LRRC61: variants seen among roughly 807,000 people sequenced by gnomAD.
The protein encoded by LRRC61 is leucine-rich repeat-containing protein 61.
A neutral mutation model predicts 15.1 loss-of-function variants in LRRC61; 9 were observed. The observed-to-expected ratio is 0.60, with a 90% CI of 0.36 to 1.04. LRRC61 has a LOEUF of 1.04. LRRC61 is among the 50% of genes least tolerant of loss of function. The probability of loss-of-function intolerance (pLI) is 0.01; values close to 1 mark genes in which losing one functional copy is unlikely to be tolerated. For synonymous variants in LRRC61, 173 were observed against 158.6 expected, an observed-to-expected ratio of 1.09 and a Z score of -0.68; for missense variants, 344 against 335.6, an observed-to-expected ratio of 1.03 and a Z score of -0.20.
At chr7:150,314,254 C>G in the LRRC61 span, among the ~76,000 whole-genome samples, 1 of 152,232 alleles carries the variant, frequency 6.6e-6, no homozygotes, top group Non-Finnish European at 1.5e-5. Flanking sequence ...GAACAGTTGT[C>G]AGCCTTGTTC....
intron 2 of LRRC61, among the ~76,000 whole-genome samples, chr7:150,336,246 A>G (rs1398771559): frequency 6.6e-6 from 1 of 152,242 alleles, no homozygotes; most frequent in Non-Finnish European, 1.5e-5. Flanking sequence ...AGTAATACTG[A>G]GTGAATCAAA....
At chr7:150,320,838 G>C (rs550417224), upstream of LRRC61, among the ~76,000 whole-genome samples, 1 of 152,318 alleles carries the variant, frequency 6.6e-6, no homozygotes, top group East Asian at 1.9e-4. Context: ...GTGATCAAGA[G>C]TGCTGACTTC....
rs138347257 is a variant in LRRC61 at position 150,337,565 on chromosome 7, G to T, written c.704G>T (p.Arg235Leu). Reference sequence around the variant, plus strand: ...CTGCAGGAGTGCTGGGACCTGGACCGCCAGGCCAGCGACAGCCTGGCCCAG... The same window carrying T: ...CTGCAGGAGTGCTGGGACCTGGACCTCCAGGCCAGCGACAGCCTGGCCCAG... Reference protein sequence around the residue: ...DTLQECWDLDRQASDSLAQAE... With the variant: ...DTLQECWDLDLQASDSLAQAE... Residue 235 changes from arginine (R) to leucine (L), a missense_variant, in exon 3 of 3, where the codon CGC (arginine) becomes CTC (leucine). Transcript: ENST00000359623. The T allele has an allele frequency of 1.9e-6, 3 of 1,590,268 alleles. No homozygotes were observed. Among genetic ancestry groups the T allele is most frequent in the Admixed American group, 3.5e-5 (2 of 57,184 alleles).
chr7:150,327,819 C>CAA (rs58721598), intron 2 of LRRC61, among the ~76,000 whole-genome samples: 4,118 of 136,734 alleles, frequency 0.03, 85 homozygotes, highest in Middle Eastern at 0.047. Context: ...GACCTTGTCT[C>CAA]AAAAAAAAAA....
chr7:150,318,815 G>A (rs538755101), upstream of LRRC61, among the ~76,000 whole-genome samples: 2 of 152,278 alleles, frequency 1.3e-5, no homozygotes, highest in East Asian at 3.9e-4. Flanking sequence ...CTGGGGGCCC[G>A]TGAGCCCAAA....
chr7:150,316,878 T>C, the LRRC61 span, among the ~76,000 whole-genome samples: 1 of 152,196 alleles, frequency 6.6e-6, no homozygotes, highest in East Asian at 1.9e-4. Flanking sequence ...CTTTTAGATA[T>C]TTAGTCCTCC....
rs1208519933 is a variant in LRRC61, at chr7:150,335,163, T to C, written c.-144-1555T>C. Among the ~76,000 whole-genome samples, 7 of 152,162 alleles carry C rather than the reference T, an allele frequency of 4.6e-5. No homozygotes were observed. The highest frequency in any genetic ancestry group is 1.7e-4 in the African/African-American group (7 of 41,444). ...TCCTTAGGGCCTGTATCTTTTGTTTTCACAGCAGACAGGTTTCTAGTGCCT... is the reference window on the plus strand; with the variant it reads ...TCCTTAGGGCCTGTATCTTTTGTTTCCACAGCAGACAGGTTTCTAGTGCCT... On this transcript the variant is annotated intron_variant, in intron 2 of 2. Transcript: ENST00000359623. The surrounding 1 kb of genome is among the most constrained non-coding windows in gnomAD (Gnocchi z 4.3).
chr7:150,336,214 C>A (rs966269772), intron 2 of LRRC61, among the ~76,000 whole-genome samples: 1 of 152,188 alleles, frequency 6.6e-6, no homozygotes, highest in African/African-American at 2.4e-5. Flanking sequence ...AGTTTGAATT[C>A]ATTGCTGTTA....
chr7:150,315,933 C>G, the LRRC61 span, among the ~76,000 whole-genome samples: 75 of 152,304 alleles, frequency 4.9e-4, 1 homozygote, highest in South Asian at 0.015. Context: ...CGCGGTGGCT[C>G]ACGCCTGTAA....
At chr7:150,331,095 C>A (rs867995644) in intron 2 of LRRC61, 18 of 1,612,220 alleles carry the variant, frequency 1.1e-5, no homozygotes, top group African/African-American at 1.1e-4. Flanking sequence ...CTGTCTTACC[C>A]CCCACAGGAG....
the LRRC61 span, among the ~76,000 whole-genome samples, chr7:150,310,867 CA>C: frequency 6.6e-6 from 1 of 152,212 alleles, no homozygotes. Context: ...CCTACTTCTT[CA>C]ACACCTCTAC....
At chr7:150,317,211 G>A in the LRRC61 span, among the ~76,000 whole-genome samples, 1 of 151,790 alleles carries the variant, frequency 6.6e-6, no homozygotes, top group Non-Finnish European at 1.5e-5. Flanking sequence ...AGCATGCCCG[G>A]CTAATTTTTT....
upstream of LRRC61, among the ~76,000 whole-genome samples, chr7:150,321,061 A>G (rs1244449487): frequency 6.6e-6 from 1 of 152,200 alleles, no homozygotes; most frequent in Non-Finnish European, 1.5e-5. Context: ...GTTCAGTTTT[A>G]GCAAGAATCC....
intron 2 of LRRC61, among the ~76,000 whole-genome samples, chr7:150,328,370 A>G (rs1798008446): frequency 6.6e-6 from 1 of 152,242 alleles, no homozygotes; most frequent in Non-Finnish European, 1.5e-5. Context: ...TCAATACAAA[A>G]AAGTTTGTAA....
chr7:150,336,799 C>A lies in LRRC61; in HGVS notation c.-63C>A, dbSNP rs117812897. 9 of 1,544,184 alleles carry A rather than the reference C, an allele frequency of 5.8e-6. No homozygotes were observed. The East Asian group carries it at 1.8e-4, about 31-fold the overall frequency. ...TAGAGCCAGGGCGAGCACCAGCTGACCCCCAGTGGAACCCTGTGACAGTCC... is the reference window on the plus strand; with the variant it reads ...TAGAGCCAGGGCGAGCACCAGCTGAACCCCAGTGGAACCCTGTGACAGTCC... On this transcript the variant is annotated 5_prime_UTR_variant, in exon 3 of 3. Coordinates refer to ENST00000359623, the MANE Select transcript of LRRC61 (RefSeq NM_001142928.2).
chr7:150,332,357 G>A (rs1355169999), intron 2 of LRRC61: 1 of 167,096 alleles, frequency 6.0e-6, no homozygotes, highest in Non-Finnish European at 1.5e-5. Context: ...CTGAGATGCA[G>A]GTCGGAAGAG....
chr7:150,333,199 G>C lies in LRRC61; in HGVS notation c.-144-3519G>C, dbSNP rs1377896762. Among the ~76,000 whole-genome samples the C allele has an allele frequency of 6.6e-6, 1 of 152,204 alleles. No homozygotes were observed. The highest frequency in any genetic ancestry group is 1.5e-5 in the Non-Finnish European group (1 of 68,036). ...GTGAGAAGATTGGGTGAGGATGAAA[G>C]GAAGAGGGTGAGAGAGCTTGATGGC... On this transcript the variant is annotated intron_variant, in intron 2 of 2. Coordinates refer to ENST00000359623, the MANE Select transcript of LRRC61 (RefSeq NM_001142928.2). The surrounding 1 kb of genome is among the most constrained non-coding windows in gnomAD (Gnocchi z 4.3).
chr7:150,323,856 C>T (rs978712228), intron 1 of LRRC61: 2 of 370,506 alleles, frequency 5.4e-6, no homozygotes, highest in Non-Finnish European at 1.1e-5. Context: ...AGCAGGATCA[C>T]GGCCGTGCTC....
chr7:150,313,190 C>CT, the LRRC61 span, among the ~76,000 whole-genome samples: 2 of 152,220 alleles, frequency 1.3e-5, no homozygotes, highest in African/African-American at 4.8e-5. Flanking sequence ...CGCTGACTCT[C>CT]TTTTCAGACT....
Sources: gnomAD v4.1 joint callset for allele counts (sites outside exome capture counted in the v4.1 genomes callset) on GRCh38, gnomAD v4.1.1 for gene constraint, Gnocchi (gnomAD v3.1) non-coding constraint, MANE v1.5 for transcripts, NCBI Gene and HGNC (gene_info 2026-07-23, HGNC 2026-07-21) for gene names.